Variants in KBTBD4 observed in about 807,000 individuals in gnomAD.
KBTBD4 encodes kelch repeat and BTB domain-containing protein 4.
Under a neutral mutation model 43.9 loss-of-function variants are expected in KBTBD4, and 30 were observed. The observed-to-expected ratio is 0.68, with a 90% CI of 0.51 to 0.93. The LOEUF is 0.93. KBTBD4 is among the 40% of genes least tolerant of loss of function. KBTBD4 has a pLI of 0.00. For missense variants in KBTBD4, 575 were observed against 668.8 expected, an observed-to-expected ratio of 0.86 and a Z score of 1.55; for synonymous variants, 258 against 256.9, an observed-to-expected ratio of 1.00 and a Z score of -0.04.
intron 2 of KBTBD4, chr11:47,576,713 G>A (rs1418061264): frequency 7.5e-6 from 1 of 133,596 alleles, no homozygotes; most frequent in Non-Finnish European, 1.5e-5. Context: ...ATCTTGCTCT[G>A]TCGCCCAGGC....
intron 1 of KBTBD4, 195 bp downstream of exon 1, chr11:47,578,738 C>T: frequency 6.9e-7 from 1 of 1,458,436 alleles, no homozygotes; most frequent in Non-Finnish European, 9.2e-7. Context: ...CGCTCAGGCC[C>T]GCCCGCCCTC....
In KBTBD4 at chr11:47,575,840, T is replaced by C. The variant is rs575873469; in HGVS notation, c.638-141A>G. ...GTACATGCATACATACACATATACA[T>C]GAAATTAACCTAAAATTGCTTTTTT... On this transcript the variant is annotated intron_variant, in intron 2 of 3. Coordinates refer to ENST00000430070, the MANE Select transcript of KBTBD4 (RefSeq NM_018095.6). 1,221 of 496,284 alleles carry C rather than the reference T, an allele frequency of 2.5e-3. 4 individuals are homozygous for C. The highest frequency in any genetic ancestry group is 3.7e-3 in the Non-Finnish European group (1,065 of 285,816). 30.7% of individuals were successfully genotyped at this position (496,284 alleles called of 1,614,324 possible). A position where few individuals can be genotyped will look rare whatever the true frequency, so the allele number is the denominator to read the frequency against.
At chr11:47,574,545 A>C (rs2153793660) in intron 3 of KBTBD4, among the ~76,000 whole-genome samples, 1 of 152,204 alleles carries the variant, frequency 6.6e-6, no homozygotes, top group African/African-American at 2.4e-5. Context: ...ACCATTCATA[A>C]TCTGGCCATC....
rs972674441 is a variant in KBTBD4 at position 47,573,868 on chromosome 11, C to T, written c.745-78G>A. On this transcript the variant is annotated intron_variant, in intron 3 of 3. Coordinates refer to ENST00000430070, the MANE Select transcript of KBTBD4 (RefSeq NM_018095.6). This position sits in a 1 kb window ranked among gnomAD's most constrained non-coding sequence, Gnocchi z 4.1. Reference sequence around the variant, plus strand: ...CAGCTAAGACACATATCCTTAAGATCCTGGCCCTCACACTTGTTCCTAGCT... The same window carrying T: ...CAGCTAAGACACATATCCTTAAGATTCTGGCCCTCACACTTGTTCCTAGCT... The T allele has an allele frequency of 1.3e-4, 173 of 1,312,950 alleles. No individual in the cohort carries two copies. In the Middle Eastern group the frequency reaches 1.7e-3, roughly 13 times the overall value. The allele number at this position is 1,312,950 out of a possible 1,614,324, so 81.3% of individuals were successfully genotyped here.
At chr11:47,574,066 A>G (rs1194483141) in intron 3 of KBTBD4, among the ~76,000 whole-genome samples, 7 of 152,260 alleles carry the variant, frequency 4.6e-5, no homozygotes, top group Non-Finnish European at 1.0e-4. Flanking sequence ...ACTTGATGAC[A>G]GTAGTTCTCA....
rs758372593 is a variant in KBTBD4 at position 47,573,149 on chromosome 11, G to C, written c.1386C>G (p.Pro462=). Residue 462 remains proline (P), a synonymous_variant, in exon 4 of 4, where the codon CCC becomes CCG. Coordinates refer to ENST00000430070, the MANE Select transcript of KBTBD4 (RefSeq NM_018095.6). The surrounding 1 kb of genome is among the most constrained non-coding windows in gnomAD (Gnocchi z 4.1). ...AEGDSLVCYN[P]LLDSFTRLCL... is the part of the protein sequence containing the mutation. ...AAAGCCGGGTGAAGCTGTCTAGCAA[G>C]GGATTGTAGCACACCAGGGAGTCCC... 1.2e-6 allele frequency: 2 copies of C among 1,614,084 alleles called. No homozygotes were observed. Among genetic ancestry groups the C allele is most frequent in the East Asian group, 2.2e-5 (1 of 44,896 alleles).
Position 47,572,837 on chromosome 11 carries a change from A to T in KBTBD4, c.*93T>A. ...GGCACTGCCTTTCTAGTATGTGCCA[A>T]AAAAAACATAACTCTGAATTGGGGC... On this transcript the variant is annotated 3_prime_UTR_variant, in exon 4 of 4. Coordinates refer to ENST00000430070, the MANE Select transcript of KBTBD4 (RefSeq NM_018095.6). 1 of 1,420,648 alleles carries T rather than the reference A, an allele frequency of 7.0e-7. No individual in the cohort carries two copies. Among genetic ancestry groups the T allele is most frequent in the Non-Finnish European group, 9.5e-7 (1 of 1,049,926 alleles). 88.0% of individuals were successfully genotyped at this position (1,420,648 alleles called of 1,614,324 possible). A position where few individuals can be genotyped will look rare whatever the true frequency, so the allele number is the denominator to read the frequency against.
chr11:47,577,815 A>G lies in KBTBD4; in HGVS notation c.233T>C (p.Val78Ala), dbSNP rs377156678. 6.2e-7 allele frequency: 1 copy of G among 1,609,056 alleles called. No individual in the cohort carries two copies. The highest frequency in any genetic ancestry group is 1.3e-5 in the African/African-American group (1 of 74,748). Residue 78 changes from valine (V) to alanine (A), a missense_variant, in exon 2 of 4, where the codon GTC (valine) becomes GCC (alanine). Physicochemically the swap from Val to Ala is moderately conservative, Grantham distance 64. Transcript: ENST00000430070. Reference sequence around the variant, plus strand: ...GAAGAAGCAGCTCTGAGCTGAGAGGACCAGCCGATGGAGCTGAAACTCCCG... The same window carrying G: ...GAAGAAGCAGCTCTGAGCTGAGAGGGCCAGCCGATGGAGCTGAAACTCCCG... ...EGREFQLHRL[V>A]LSAQSCFFRS... is the part of the protein sequence containing the mutation.
intron 2 of KBTBD4, among the ~76,000 whole-genome samples, chr11:47,577,105 G>C (rs1245208721): frequency 6.6e-6 from 1 of 152,136 alleles, no homozygotes; most frequent in East Asian, 1.9e-4. Flanking sequence ...TAGGTAATTA[G>C]ACCCACTGGG....
In KBTBD4 at chr11:47,573,068, G is replaced by A. The variant is rs888010650; in HGVS notation, c.1467C>T (p.Asn489=). The part of the protein sequence containing the change: ...APSLWKIASC[N]GSIYVFRDRY... ...GGTCCCGGAAGACATAGATGCTCCCGTTACAGCTGGCAATCTTCCAGAGGG... is the reference window on the plus strand; with the variant it reads ...GGTCCCGGAAGACATAGATGCTCCCATTACAGCTGGCAATCTTCCAGAGGG... The change falls in exon 4 of 4, where the codon AAC becomes AAT. Residue 489 remains asparagine (N), a synonymous_variant. Transcript: ENST00000430070. The surrounding 1 kb of genome is among the most constrained non-coding windows in gnomAD (Gnocchi z 4.1). The A allele has an allele frequency of 2.5e-6, 4 of 1,614,012 alleles. No individual in the cohort carries two copies. Among genetic ancestry groups the A allele is most frequent in the South Asian group, 1.1e-5 (1 of 91,076 alleles).
intron 1 of KBTBD4, chr11:47,578,424 T>G: frequency 3.5e-6 from 2 of 568,854 alleles, no homozygotes; most frequent in South Asian, 4.7e-5. Flanking sequence ...TCAGGGGCAG[T>G]AGAATCAGAC....
At chr11:47,578,825 C>T in intron 1 of KBTBD4, 108 bp downstream of exon 1, 1 of 1,544,816 alleles carries the variant, frequency 6.5e-7, no homozygotes, top group Non-Finnish European at 8.7e-7. Flanking sequence ...CCCCTCCTCT[C>T]ACCCGCCTGG....
intron 1 of KBTBD4, chr11:47,578,704 G>C: frequency 7.9e-7 from 1 of 1,272,834 alleles, no homozygotes; most frequent in South Asian, 1.4e-5. Flanking sequence ...TCTTGGAAAC[G>C]GTCGCCAGGG....
Position 47,577,368 on chromosome 11 carries a change from T to C in KBTBD4, c.637+43A>G, listed in dbSNP as rs753867864. ...AAACTAGAACATTCACTGAACATCA[T>C]AGCCAAGTAACTGGGTATGGTGTGT... On this transcript the variant is annotated intron_variant, in intron 2 of 3. Coordinates refer to ENST00000430070, the MANE Select transcript of KBTBD4 (RefSeq NM_018095.6). 10 of 1,540,788 alleles carry C rather than the reference T, an allele frequency of 6.5e-6. No homozygotes were observed. In the Admixed American group the frequency reaches 1.2e-4, roughly 18 times the overall value.
chr11:47,578,941 C>T lies in KBTBD4; in HGVS notation c.11G>A (p.Gly4Glu), dbSNP rs1424646908. The change falls in exon 1 of 4, where the codon GGG becomes GAG. Residue 4 changes from glycine (G) to glutamate (E), a missense_variant. Gly to Glu is a moderately conservative substitution (Grantham distance 98). Transcript: ENST00000430070. The stretch of plus-strand genomic sequence containing the variant: ...CTGTCTCGCTTTCTCACCTGCGTTC[C>T]CTCCTTTCATCCCGGAGCCCGGAAC... The part of the protein sequence containing the change: MKG[G>E]NADSWQREKL... 3 of 1,551,864 alleles carry T rather than the reference C, an allele frequency of 1.9e-6. No individual in the cohort carries two copies. The highest frequency in any genetic ancestry group is 4.9e-5 in the East Asian group (2 of 40,924).
Position 47,572,849 on chromosome 11 carries a change from C to T in KBTBD4, c.*81G>A, listed in dbSNP as rs544324731. Reference sequence around the variant, plus strand: ...CTAGTATGTGCCAAAAAAAACATAACTCTGAATTGGGGCCCAGGGGACTTT... The same window carrying T: ...CTAGTATGTGCCAAAAAAAACATAATTCTGAATTGGGGCCCAGGGGACTTT... On this transcript the variant is annotated 3_prime_UTR_variant, in exon 4 of 4. Coordinates refer to ENST00000430070, the MANE Select transcript of KBTBD4 (RefSeq NM_018095.6). 9.5e-5 allele frequency: 139 copies of T among 1,464,458 alleles called. No individual in the cohort carries two copies. Among genetic ancestry groups the T allele is most frequent in the Non-Finnish European group, 1.2e-4 (134 of 1,082,068 alleles). 90.7% of individuals were successfully genotyped at this position (1,464,458 alleles called of 1,614,324 possible).
In KBTBD4 at chr11:47,573,601, G is replaced by T; in HGVS notation, c.934C>A (p.Arg312=). 1 of 1,614,138 alleles carries T rather than the reference G, an allele frequency of 6.2e-7. No homozygotes were observed. Among genetic ancestry groups the T allele is most frequent in the Non-Finnish European group, 8.5e-7 (1 of 1,180,018 alleles). ...DLYVVGGSIP[R]RMWKCNNATV... ...GCATTGTTGCACTTCCACATGCGCC[G>T]TGGGATGGACCCTCCCACCACATAC... Residue 312 remains arginine (R), a synonymous_variant, in exon 4 of 4, where the codon CGG becomes AGG. Transcript: ENST00000430070. This position sits in a 1 kb window ranked among gnomAD's most constrained non-coding sequence, Gnocchi z 4.1.
chr11:47,576,076 C>A (rs975647321), intron 2 of KBTBD4, among the ~76,000 whole-genome samples: 1 of 151,702 alleles, frequency 6.6e-6, no homozygotes, highest in Non-Finnish European at 1.5e-5. Flanking sequence ...GTCTCAAACT[C>A]CTGCCATCAA....
At chr11:47,578,215 A>G (rs1057029186) in intron 1 of KBTBD4, 187 bp from the exon 2 acceptor site, 1 of 615,018 alleles carries the variant, frequency 1.6e-6, no homozygotes, top group Non-Finnish European at 2.8e-6. Context: ...CGTTATCCCC[A>G]GTGGCGCCCC....
Sources: gnomAD v4.1 joint callset for allele counts (sites outside exome capture counted in the v4.1 genomes callset) on GRCh38, gnomAD v4.1.1 for gene constraint, Gnocchi (gnomAD v3.1) non-coding constraint, MANE v1.5 for transcripts, NCBI Gene and HGNC (gene_info 2026-07-23, HGNC 2026-07-21) for gene names.